LYPLA1: variants seen among roughly 807,000 people sequenced by gnomAD.
The protein encoded by LYPLA1 is lysophospholipase 1, also known as acyl-protein thioesterase 1.
In LYPLA1, 17 loss-of-function variants were observed where a neutral mutation model predicts 34.0. That is an observed-to-expected ratio of 0.50 (90% confidence interval 0.34 to 0.75). The LOEUF is 0.75. Among genes scored for constraint, LYPLA1 ranks in the 30% least tolerant of loss-of-function variants. LYPLA1 has a pLI of 0.01. For missense variants in LYPLA1, 203 were observed against 288.8 expected (o/e 0.70, Z 2.15); for synonymous variants, 98 against 100.8 (o/e 0.97, Z 0.17).
At chr8:54,075,824 G>C (rs893601685) in intron 2 of LYPLA1, among the ~76,000 whole-genome samples, 1 of 152,100 alleles carries the variant, frequency 6.6e-6, no homozygotes, top group Non-Finnish European at 1.5e-5. Flanking sequence ...TTTCTAAGAA[G>C]GACTGGACCT....
chr8:54,080,486 T>C (rs1400849037), intron 2 of LYPLA1, among the ~76,000 whole-genome samples: 2 of 152,250 alleles, frequency 1.3e-5, no homozygotes, highest in Non-Finnish European at 2.9e-5. Context: ...CCAAGGCAGA[T>C]GACAGCCGTA....
chr8:54,059,751 T>A (rs1422049626), intron 5 of LYPLA1, among the ~76,000 whole-genome samples: 1 of 152,114 alleles, frequency 6.6e-6, no homozygotes, highest in African/African-American at 2.4e-5. Context: ...TGAGAATTCA[T>A]CTCTACAAAA....
At chr8:54,090,629 G>A (rs1289571596) in intron 2 of LYPLA1, among the ~76,000 whole-genome samples, 1 of 152,070 alleles carries the variant, frequency 6.6e-6, no homozygotes, top group South Asian at 2.1e-4. Flanking sequence ...GTGCATTGTT[G>A]GCACCGCGGG....
At chr8:54,095,956 A>G (rs989284433) in intron 2 of LYPLA1, among the ~76,000 whole-genome samples, 5 of 152,218 alleles carry the variant, frequency 3.3e-5, no homozygotes, top group African/African-American at 1.2e-4. Context: ...AAGTAGAGGC[A>G]ATATGTGATC....
Position 54,052,448 on chromosome 8 carries a change from G to A in LYPLA1, c.462+207C>T, listed in dbSNP as rs141225300. On this transcript the variant is annotated intron_variant, in intron 7 of 8. Transcript: ENST00000316963. ...GCAAAAACATGGCTGTGGAGGTGGGGATGCTGATGGTGGGGAGGCTGTGCA... is the reference window on the plus strand; with the variant it reads ...GCAAAAACATGGCTGTGGAGGTGGGAATGCTGATGGTGGGGAGGCTGTGCA... Among the ~76,000 whole-genome samples the A allele has an allele frequency of 2.9e-3, 442 of 152,254 alleles. 2 individuals carry two copies. The highest frequency in any genetic ancestry group is 0.01 in the African/African-American group (426 of 41,544).
rs577593234 is a variant in LYPLA1 at position 54,101,314 on chromosome 8, T to G, written c.70-375A>C. 8.4e-6 allele frequency: 9 copies of G among 1,075,780 alleles called. No homozygotes were observed. The Admixed American group carries it at 2.2e-4, about 26-fold the overall frequency. The allele number at this position is 1,075,780 out of a possible 1,614,324, so 66.6% of individuals were successfully genotyped here. ...CGGAGGCAAAAATAAGTTTGACTTT[T>G]CATACACGAGTTTTCTAAAAAACAG... On this transcript the variant is annotated intron_variant, in intron 1 of 8. Coordinates refer to ENST00000316963, the MANE Select transcript of LYPLA1 (RefSeq NM_006330.4).
chr8:54,070,050 T>C (rs1022852850), intron 2 of LYPLA1, among the ~76,000 whole-genome samples: 1 of 152,250 alleles, frequency 6.6e-6, no homozygotes, highest in Non-Finnish European at 1.5e-5. Context: ...GGTAGAAATG[T>C]AAATGGTGCA....
At chr8:54,092,459 G>A (rs546299079) in intron 2 of LYPLA1, among the ~76,000 whole-genome samples, 1 of 152,108 alleles carries the variant, frequency 6.6e-6, no homozygotes, top group South Asian at 2.1e-4. Context: ...ACTGGCAGTG[G>A]GGCCCAAGAA....
chr8:54,073,377 G>GC lies in LYPLA1; in HGVS notation c.102-7565dup, dbSNP rs561145307. ...GGTCTGTGCCCCATGACACCTGGCTGCCCAAGAAGTGTTCCATTTGTAAAT... is the reference window on the plus strand; with the variant it reads ...GGTCTGTGCCCCATGACACCTGGCTGCCCCAAGAAGTGTTCCATTTGTAAAT... On this transcript the variant is annotated intron_variant, in intron 2 of 8. Transcript: ENST00000316963. 3.9e-4 allele frequency: 309 copies of GC among 789,406 alleles called. 9 individuals are homozygous for GC. The South Asian group carries it at 4.0e-3, about 10-fold the overall frequency. 48.9% of individuals were successfully genotyped at this position (789,406 alleles called of 1,614,324 possible).
chr8:54,088,027 G>A (rs1808937373), intron 2 of LYPLA1, among the ~76,000 whole-genome samples: 1 of 152,182 alleles, frequency 6.6e-6, no homozygotes, highest in South Asian at 2.1e-4. Context: ...AGAGGCAAAG[G>A]TAGAGGAGAA....
intron 2 of LYPLA1, among the ~76,000 whole-genome samples, chr8:54,076,822 A>G (rs956448434): frequency 6.6e-6 from 1 of 152,174 alleles, no homozygotes; most frequent in Non-Finnish European, 1.5e-5. Context: ...TTAATTTAAT[A>G]CCTATAGAAA....
At chr8:54,085,529 T>A (rs1187046894) in intron 2 of LYPLA1, among the ~76,000 whole-genome samples, 2 of 151,260 alleles carry the variant, frequency 1.3e-5, no homozygotes, top group African/African-American at 4.9e-5. Context: ...GTCTAGGAAG[T>A]GAGGAGCGTC....
In LYPLA1 at chr8:54,059,557, GC is replaced by G. The variant is rs1806451762; in HGVS notation, c.286+2696del. ...CTGACCTCATGATCCACCCGCCTCG[GC>G]CTCCCAAAGTGCTGGGATTACAGGC... On this transcript the variant is annotated intron_variant, in intron 5 of 8. Transcript: ENST00000316963. Among the ~76,000 whole-genome samples, 6 of 73,390 alleles carry G rather than the reference GC, an allele frequency of 8.2e-5. 3 individuals are homozygous for G. In the South Asian group the frequency reaches 4.3e-3, roughly 52 times the overall value. The allele number at this position is 73,390 out of a possible 152,430, so 48.1% of individuals were successfully genotyped here. A position where few individuals can be genotyped will look rare whatever the true frequency, so the allele number is the denominator to read the frequency against.
Position 54,099,979 on chromosome 8 carries a change from C to G in LYPLA1, c.101+929G>C, listed in dbSNP as rs540616440. On this transcript the variant is annotated intron_variant, in intron 2 of 8. Transcript: ENST00000316963. The stretch of plus-strand genomic sequence containing the variant: ...GATTACAGGTGTGAGCCACCGCGCC[C>G]GGCCCCAATGGTTCATTTTAAAGAA... Among the ~76,000 whole-genome samples the G allele has an allele frequency of 3.9e-5, 6 of 152,200 alleles. No homozygotes were observed. In the East Asian group the frequency reaches 1.2e-3, roughly 29 times the overall value.
chr8:54,059,671 C>A (rs1015357385), intron 5 of LYPLA1, among the ~76,000 whole-genome samples: 6 of 152,224 alleles, frequency 3.9e-5, no homozygotes, highest in African/African-American at 1.4e-4. Context: ...GTGGCTCATG[C>A]CTGTAATCCC....
At chr8:54,090,711 G>A (rs755248927) in intron 2 of LYPLA1, among the ~76,000 whole-genome samples, 4 of 152,260 alleles carry the variant, frequency 2.6e-5, no homozygotes, top group South Asian at 4.2e-4. Context: ...TCAACCTGCC[G>A]ATCCGCCTGG....
chr8:54,096,343 T>C (rs1809679378), intron 2 of LYPLA1, among the ~76,000 whole-genome samples: 1 of 152,188 alleles, frequency 6.6e-6, no homozygotes, highest in South Asian at 2.1e-4. Context: ...TTCATGCCTG[T>C]AATTCCAGGG....
At chr8:54,084,428 G>T (rs1223330535) in intron 2 of LYPLA1, among the ~76,000 whole-genome samples, 1 of 151,722 alleles carries the variant, frequency 6.6e-6, no homozygotes, top group Non-Finnish European at 1.5e-5. Context: ...AAAACTAGCT[G>T]GGTGTGGTGG....
chr8:54,086,438 TAAAAAAAAA>T (rs768755796), intron 2 of LYPLA1, among the ~76,000 whole-genome samples: 2 of 34,692 alleles, frequency 5.8e-5, no homozygotes, highest in African/African-American at 1.1e-4. Context: ...CTAAAAAAAT[TAAAAAAAAA>T]AAAAAAAAAA....
Sources: gnomAD v4.1 joint callset for allele counts (sites outside exome capture counted in the v4.1 genomes callset) on GRCh38, gnomAD v4.1.1 for gene constraint, MANE v1.5 for transcripts, NCBI Gene and HGNC (gene_info 2026-07-23, HGNC 2026-07-21) for gene names.